EFCAB11: variants seen among roughly 807,000 people sequenced by gnomAD.
EFCAB11 encodes EF-hand calcium-binding domain-containing protein 11.
A neutral mutation model predicts 23.0 loss-of-function variants in EFCAB11; 14 were observed. That is an observed-to-expected ratio of 0.61 (90% CI 0.40 to 0.95). EFCAB11 has a LOEUF of 0.95. EFCAB11 is among the 40% of genes least tolerant of loss of function. EFCAB11 has a pLI of 0.00. For missense variants in EFCAB11, 198 were observed against 195.8 expected, an observed-to-expected ratio of 1.01 and a Z score of -0.07; for synonymous variants, 65 against 66.6, an observed-to-expected ratio of 0.98 and a Z score of 0.11.
intron 5 of EFCAB11, among the ~76,000 whole-genome samples, chr14:89,909,543 T>G (rs888499130): frequency 1.3e-5 from 2 of 152,152 alleles, no homozygotes; most frequent in East Asian, 1.9e-4. Flanking sequence ...ATCGCGCCAT[T>G]GCACTTCAGC....
intron 3 of EFCAB11, among the ~76,000 whole-genome samples, chr14:89,936,755 T>C (rs1319476114): frequency 2.0e-5 from 3 of 152,196 alleles, no homozygotes; most frequent in Non-Finnish European, 4.4e-5. Flanking sequence ...CAATACATAG[T>C]AACATGCTAT....
intron 5 of EFCAB11, among the ~76,000 whole-genome samples, chr14:89,852,556 A>T (rs1887629781): frequency 6.6e-6 from 1 of 152,196 alleles, no homozygotes; most frequent in Admixed American, 6.5e-5. Context: ...AGCCTAGCCC[A>T]AGACACGTAC....
intron 5 of EFCAB11, among the ~76,000 whole-genome samples, chr14:89,925,178 A>G (rs1890150388): frequency 6.6e-6 from 1 of 152,236 alleles, no homozygotes; most frequent in African/African-American, 2.4e-5. Flanking sequence ...AACAGAATGA[A>G]GCATAAATGC....
chr14:89,828,410 G>A (rs1427920920), intron 5 of EFCAB11, among the ~76,000 whole-genome samples: 7 of 151,778 alleles, frequency 4.6e-5, no homozygotes, highest in Admixed American at 2.0e-4. Context: ...ACTTTTTTTC[G>A]TGAGAAAATA....
chr14:89,885,919 TA>T (rs1183975663), intron 5 of EFCAB11, among the ~76,000 whole-genome samples: 1 of 150,902 alleles, frequency 6.6e-6, no homozygotes, highest in East Asian at 1.9e-4. Context: ...AAACTGACTC[TA>T]AAATTTATTT....
At position 89,907,364 on chromosome 14, in the gene EFCAB11, T is replaced by C. The variant is rs1408545213; in HGVS notation, c.410+24177A>G. On this transcript the variant is annotated intron_variant, in intron 5 of 5. Transcript: ENST00000316738. The stretch of plus-strand genomic sequence containing the variant: ...AGTTCATGACAGTAAAAAATACAGA[T>C]GTTTTTGGCCATTAACAGAGTCACA... Among the ~76,000 whole-genome samples, 5 of 152,226 alleles carry C rather than the reference T, an allele frequency of 3.3e-5. No homozygotes were observed. In the East Asian group the frequency reaches 7.7e-4, roughly 23 times the overall value.
At chr14:89,893,228 G>C (rs1420846270) in intron 5 of EFCAB11, among the ~76,000 whole-genome samples, 5 of 152,172 alleles carry the variant, frequency 3.3e-5, no homozygotes, top group African/African-American at 1.2e-4. Flanking sequence ...AATTCCAAGG[G>C]GAGCTTGGCT....
chr14:89,952,947 G>C (rs543194110), intron 2 of EFCAB11, among the ~76,000 whole-genome samples: 1 of 152,082 alleles, frequency 6.6e-6, no homozygotes, highest in Non-Finnish European at 1.5e-5. Context: ...GTTGTCTCTC[G>C]AATGAATGTA....
At chr14:89,886,979 A>G (rs1258046887) in intron 5 of EFCAB11, among the ~76,000 whole-genome samples, 1 of 152,232 alleles carries the variant, frequency 6.6e-6, no homozygotes, top group Non-Finnish European at 1.5e-5. Flanking sequence ...AGAAAATCTT[A>G]TAGATTTGAA....
Position 89,885,991 on chromosome 14 carries a change from C to T in EFCAB11, c.410+45550G>A, listed in dbSNP as rs562066009. ...CTGAAGAAAACACAAAGCTCTAGGA[C>T]TTACACTGCCAGACATCAAGATTAC... On this transcript the variant is annotated intron_variant, in intron 5 of 5. Transcript: ENST00000316738. Among the ~76,000 whole-genome samples the T allele has an allele frequency of 1.1e-4, 17 of 151,540 alleles. No individual in the cohort carries two copies. In the South Asian group the frequency reaches 3.5e-3, roughly 31 times the overall value.
chr14:89,924,829 A>G (rs1890138297), intron 5 of EFCAB11, among the ~76,000 whole-genome samples: 1 of 152,238 alleles, frequency 6.6e-6, no homozygotes, highest in South Asian at 2.1e-4. Flanking sequence ...AAATTAAACC[A>G]CGAAGAAAAC....
rs201579549 is a variant in EFCAB11 at position 89,954,665 on chromosome 14, A to T, written c.-5T>A. On this transcript the variant is annotated 5_prime_UTR_variant, in exon 1 of 6. Transcript: ENST00000316738. ...TCTGGCCTCGGAGAAGAACATCGCG[A>T]CTACAACAACCGAGCCCCAGCAACC... 3 of 1,610,640 alleles carry T rather than the reference A, an allele frequency of 1.9e-6. No homozygotes were observed. Among genetic ancestry groups the T allele is most frequent in the Non-Finnish European group, 2.5e-6 (3 of 1,179,366 alleles).
intron 5 of EFCAB11, among the ~76,000 whole-genome samples, chr14:89,827,160 T>A (rs769523106): frequency 6.6e-6 from 1 of 152,168 alleles, no homozygotes; most frequent in Non-Finnish European, 1.5e-5. Flanking sequence ...TTAAAACACA[T>A]GAAGCCTCTA....
intron 5 of EFCAB11, among the ~76,000 whole-genome samples, chr14:89,896,303 C>T (rs901508776): frequency 3.9e-5 from 6 of 151,914 alleles, no homozygotes; most frequent in Non-Finnish European, 7.4e-5. Context: ...GGCAGGAGAA[C>T]GGCGTGAACC....
In EFCAB11 at chr14:89,882,983, G is replaced by A. The variant is rs186872507; in HGVS notation, c.410+48558C>T. On this transcript the variant is annotated intron_variant, in intron 5 of 5. Coordinates refer to ENST00000316738, the MANE Select transcript of EFCAB11 (RefSeq NM_145231.4). ...CCAGAGCTGGTTGTTAAGAAGAGCC[G>A]GGCGCCTCCCCACTCTTTCTTTTGC... is the stretch of plus-strand genomic sequence containing the variant. 2.1e-3 allele frequency among the ~76,000 whole-genome samples: 318 copies of A among 151,996 alleles called. 1 individual carries two copies. The highest frequency in any genetic ancestry group is 7.2e-3 in the African/African-American group (300 of 41,468).
intron 5 of EFCAB11, among the ~76,000 whole-genome samples, chr14:89,909,620 T>C (rs936318075): frequency 2.1e-5 from 3 of 144,024 alleles, no homozygotes; most frequent in African/African-American, 8.6e-5. Flanking sequence ...ATCACCTCAC[T>C]TCCCTACATT....
intron 5 of EFCAB11, among the ~76,000 whole-genome samples, chr14:89,890,935 G>A (rs1014146516): frequency 6.6e-6 from 1 of 152,212 alleles, no homozygotes; most frequent in Non-Finnish European, 1.5e-5. Flanking sequence ...CCCTGGTGCT[G>A]AGCAAAGGAG....
At chr14:89,919,599 A>C (rs563893418) in intron 5 of EFCAB11, among the ~76,000 whole-genome samples, 1 of 152,240 alleles carries the variant, frequency 6.6e-6, no homozygotes, top group South Asian at 2.1e-4. Context: ...AAATTCTAAA[A>C]ACTCCATGAG....
chr14:89,824,831 C>T (rs1339665983), intron 5 of EFCAB11, among the ~76,000 whole-genome samples: 1 of 151,778 alleles, frequency 6.6e-6, no homozygotes, highest in Non-Finnish European at 1.5e-5. Flanking sequence ...CGTATACGTA[C>T]CTAATAACAG....
Sources: allele counts gnomAD v4.1 joint callset (sites outside exome capture counted in the v4.1 genomes callset), GRCh38; gene constraint gnomAD v4.1.1; transcripts MANE v1.5; gene names NCBI Gene and HGNC (gene_info 2026-07-23, HGNC 2026-07-21).